The following RAP2A variants were observed in gnomAD, a reference collection of about 807,000 sequenced individuals.
The protein encoded by RAP2A is RAP2A, member of RAS oncogene family, also known as ras-related protein Rap-2a.
RAP2A carries 5 observed loss-of-function variants against 15.1 expected under a neutral mutation model. The observed-to-expected ratio is 0.33, with a 90% CI of 0.17 to 0.70. The LOEUF (loss-of-function observed/expected upper bound fraction) is 0.70. Among genes scored for constraint, RAP2A ranks in the 30% least tolerant of loss-of-function variants. The probability of loss-of-function intolerance (pLI) is 0.68; values close to 1 mark genes in which losing one functional copy is unlikely to be tolerated. For synonymous variants in RAP2A, 110 were observed against 99.7 expected (o/e 1.10, Z -0.62); for missense variants, 111 against 240.3 (o/e 0.46, Z 3.56).
At chr13:97,441,318 ATAATT>A (rs1487647663) in intron 1 of RAP2A, among the ~76,000 whole-genome samples, 2 of 152,188 alleles carry the variant, frequency 1.3e-5, no homozygotes, top group Admixed American at 1.3e-4. Flanking sequence ...GAGGGCAAAA[ATAATT>A]TAAATTATTA....
chr13:97,442,426 T>C (rs760050135), intron 1 of RAP2A, among the ~76,000 whole-genome samples: 2 of 152,076 alleles, frequency 1.3e-5, no homozygotes, highest in African/African-American at 2.4e-5. Context: ...AAGCCAAATA[T>C]TGGAAAAAAT....
At chr13:97,450,036 C>G (rs1410839395) in intron 1 of RAP2A, among the ~76,000 whole-genome samples, 1 of 151,550 alleles carries the variant, frequency 6.6e-6, no homozygotes, top group Admixed American at 6.6e-5. Context: ...ATTCTAAGAT[C>G]TTACTACAAC....
intron 1 of RAP2A, among the ~76,000 whole-genome samples, chr13:97,455,994 T>C (rs1350515154): frequency 1.3e-5 from 2 of 151,420 alleles, no homozygotes; most frequent in Admixed American, 1.3e-4. Flanking sequence ...TCTCCCACTC[T>C]CTTCGGGACT....
intron 1 of RAP2A, among the ~76,000 whole-genome samples, chr13:97,450,448 G>A (rs778475941): frequency 2.0e-3 from 304 of 152,064 alleles, no homozygotes; most frequent in Middle Eastern, 6.8e-3. Context: ...CTTCCCCTTC[G>A]AGAGATGAAA....
intron 1 of RAP2A, among the ~76,000 whole-genome samples, chr13:97,456,284 G>A (rs544251483): frequency 1.0e-4 from 15 of 144,220 alleles, no homozygotes; most frequent in Non-Finnish European, 1.7e-4. Context: ...AAAAAAAAAC[G>A]GGAAAACCAG....
chr13:97,439,505 A>G (rs2153179082), intron 1 of RAP2A, among the ~76,000 whole-genome samples: 1 of 152,362 alleles, frequency 6.6e-6, no homozygotes, highest in East Asian at 1.9e-4. Flanking sequence ...ACATTTTGAA[A>G]TGAACAAATA....
At chr13:97,444,086 T>C (rs1316677087) in intron 1 of RAP2A, among the ~76,000 whole-genome samples, 1 of 152,356 alleles carries the variant, frequency 6.6e-6, no homozygotes, top group African/African-American at 2.4e-5. Context: ...TATATTGAGA[T>C]GAATTATATA....
At chr13:97,451,289 G>T (rs1377809307) in intron 1 of RAP2A, among the ~76,000 whole-genome samples, 4 of 152,090 alleles carry the variant, frequency 2.6e-5, no homozygotes, top group African/African-American at 9.6e-5. Context: ...TGCACAAATT[G>T]TAGGTTTACA....
Position 97,466,003 on chromosome 13 carries a change from AGT to A in RAP2A, c.*1568_*1569del, listed in dbSNP as rs1199519711. The stretch of plus-strand genomic sequence containing the variant: ...GTCTTACGTGTGTAACTGAGAGAAG[AGT>A]GTGTGTTTGTGTGTGCATGTGTGTT... On this transcript the variant is annotated 3_prime_UTR_variant, in exon 2 of 2. Coordinates refer to ENST00000245304, the MANE Select transcript of RAP2A (RefSeq NM_021033.7). 5 of 152,138 alleles carry A rather than the reference AGT, an allele frequency of 3.3e-5. No individual in the cohort carries two copies. The highest frequency in any genetic ancestry group is 7.3e-5 in the Non-Finnish European group (5 of 68,030). 9.4% of individuals were successfully genotyped at this position (152,138 alleles called of 1,614,324 possible). A position where few individuals can be genotyped will look rare whatever the true frequency, so the allele number is the denominator to read the frequency against.
At chr13:97,449,339 G>T (rs2066692411) in intron 1 of RAP2A, among the ~76,000 whole-genome samples, 1 of 152,190 alleles carries the variant, frequency 6.6e-6, no homozygotes, top group Admixed American at 6.5e-5. Context: ...GACCAGTTAG[G>T]AGACTGTTGC....
intron 1 of RAP2A, among the ~76,000 whole-genome samples, chr13:97,448,791 C>T (rs1285028696): frequency 6.6e-6 from 1 of 152,088 alleles, no homozygotes; most frequent in Non-Finnish European, 1.5e-5. Context: ...GGGTTTTGAT[C>T]AATAGGAGTT....
chr13:97,453,521 C>T (rs1275483001), intron 1 of RAP2A, among the ~76,000 whole-genome samples: 1 of 151,280 alleles, frequency 6.6e-6, no homozygotes, highest in African/African-American at 2.4e-5. Context: ...GCTAAATTCC[C>T]TGGAGATTCA....
At chr13:97,453,760 G>T (rs1283847699) in intron 1 of RAP2A, among the ~76,000 whole-genome samples, 2 of 150,664 alleles carry the variant, frequency 1.3e-5, no homozygotes, top group Non-Finnish European at 3.0e-5. Flanking sequence ...GATTATCATG[G>T]TTAATTTTAT....
intron 1 of RAP2A, among the ~76,000 whole-genome samples, chr13:97,463,174 G>T (rs1194044965): frequency 6.6e-6 from 1 of 152,152 alleles, no homozygotes; most frequent in Non-Finnish European, 1.5e-5. Context: ...AAAATGTCTT[G>T]TGAAAATATA....
intron 1 of RAP2A, among the ~76,000 whole-genome samples, chr13:97,462,044 ATATATATATT>A (rs1249348691): frequency 1.1e-4 from 15 of 132,324 alleles, no homozygotes; most frequent in Non-Finnish European, 1.6e-4. Context: ...ATATATATTT[ATATATATATT>A]TATATATATA....
intron 1 of RAP2A, among the ~76,000 whole-genome samples, chr13:97,438,541 A>G (rs543985517): frequency 3.9e-5 from 6 of 152,332 alleles, no homozygotes; most frequent in South Asian, 2.1e-4. Flanking sequence ...ACAGTAGGAT[A>G]TAAATAACTC....
intron 1 of RAP2A, among the ~76,000 whole-genome samples, chr13:97,444,260 T>A (rs557713547): frequency 6.6e-6 from 1 of 152,294 alleles, no homozygotes; most frequent in East Asian, 1.9e-4. Context: ...GGCGGTAAAT[T>A]TTTTGACTCA....
At chr13:97,456,993 C>CCTTTCTTCAAA (rs1171539974) in intron 1 of RAP2A, among the ~76,000 whole-genome samples, 1 of 152,114 alleles carries the variant, frequency 6.6e-6, no homozygotes, top group Non-Finnish European at 1.5e-5. Flanking sequence ...TAACCAAAAA[C>CCTTTCTTCAAA]AATTCTTTCT....
chr13:97,453,605 CGTTT>C (rs1250973843), intron 1 of RAP2A, among the ~76,000 whole-genome samples: 1 of 151,098 alleles, frequency 6.6e-6, no homozygotes, highest in Non-Finnish European at 1.5e-5. Context: ...GATTTACTGC[CGTTT>C]GTTTACCCAT....
Sources: allele counts gnomAD v4.1 joint callset (sites outside exome capture counted in the v4.1 genomes callset), GRCh38; gene constraint gnomAD v4.1.1; transcripts MANE v1.5; gene names NCBI Gene and HGNC (gene_info 2026-07-23, HGNC 2026-07-21).